TMEM135: variants seen among roughly 807,000 people sequenced by gnomAD.
TMEM135 encodes transmembrane protein 135.
TMEM135 carries 30 observed loss-of-function variants against 60.3 expected under a neutral mutation model. The observed-to-expected ratio is 0.50, with a 90% CI of 0.37 to 0.68. The LOEUF (loss-of-function observed/expected upper bound fraction) is 0.68. TMEM135 is among the 30% of genes least tolerant of loss of function. The pLI is 0.00. For missense variants in TMEM135, 468 were observed against 548.8 expected (o/e 0.85, Z 1.47); for synonymous variants, 190 against 186.7 (o/e 1.02, Z -0.14).
chr11:87,071,320 C>T (rs1279079953), intron 2 of TMEM135, among the ~76,000 whole-genome samples: 1 of 152,092 alleles, frequency 6.6e-6, no homozygotes, highest in East Asian at 1.9e-4. Flanking sequence ...GTTGTTGATG[C>T]TATTAACCTA....
chr11:87,301,521 A>AG (rs1942449145), intron 7 of TMEM135, among the ~76,000 whole-genome samples: 1 of 152,114 alleles, frequency 6.6e-6, no homozygotes, highest in Non-Finnish European at 1.5e-5. Flanking sequence ...CCATAGTGCC[A>AG]GGGTTACAGC....
At chr11:87,269,307 C>CTTT (rs34439506) in intron 6 of TMEM135, among the ~76,000 whole-genome samples, 1 of 121,078 alleles carries the variant, frequency 8.3e-6, no homozygotes, top group Non-Finnish European at 1.7e-5. Flanking sequence ...TATGAGGAAG[C>CTTT]TTTTTTTTTT....
rs1423841767 is a variant in TMEM135, at chr11:87,281,136, TAATG to T, written c.510-14644_510-14641del. ...ATTAAGGATGATCTCTGGGAGTTGT[TAATG>T]AGTATAGAGGTACTTGATGTAAAAT... On this transcript the variant is annotated intron_variant, in intron 6 of 14. Transcript: ENST00000305494. Among the ~76,000 whole-genome samples, 3 of 152,302 alleles carry T rather than the reference TAATG, an allele frequency of 2.0e-5. No individual in the cohort carries two copies. The East Asian group carries it at 5.8e-4, about 29-fold the overall frequency.
chr11:87,241,737 G>T (rs533848021), intron 6 of TMEM135, among the ~76,000 whole-genome samples: 1 of 151,802 alleles, frequency 6.6e-6, no homozygotes, highest in South Asian at 2.1e-4. Context: ...TTAATTTTTA[G>T]CTTTCATAAA....
At chr11:87,119,180 GAC>G (rs1248270309) in intron 4 of TMEM135, among the ~76,000 whole-genome samples, 1 of 152,142 alleles carries the variant, frequency 6.6e-6, no homozygotes, top group Non-Finnish European at 1.5e-5. Flanking sequence ...TAAAGTGAAA[GAC>G]ATACATCTCT....
intron 4 of TMEM135, among the ~76,000 whole-genome samples, chr11:87,107,565 T>A (rs1047741400): frequency 6.6e-6 from 1 of 152,128 alleles, no homozygotes; most frequent in African/African-American, 2.4e-5. Context: ...GTTTCCAGCT[T>A]CATCCATGTC....
Position 87,268,824 on chromosome 11 carries a change from G to A in TMEM135, c.510-26958G>A, listed in dbSNP as rs527459506. ...GAAGTGATTTATTTTGTGTATTTAAGCTGGATTTCAGCTGTTTGAGGTTTT... is the reference window on the plus strand; with the variant it reads ...GAAGTGATTTATTTTGTGTATTTAAACTGGATTTCAGCTGTTTGAGGTTTT... On this transcript the variant is annotated intron_variant, in intron 6 of 14. Coordinates refer to ENST00000305494, the MANE Select transcript of TMEM135 (RefSeq NM_022918.4). 2.5e-4 allele frequency among the ~76,000 whole-genome samples: 38 copies of A among 152,214 alleles called. No individual in the cohort carries two copies. The South Asian group carries it at 4.4e-3, about 17-fold the overall frequency.
At chr11:87,181,508 C>T (rs1939514819) in intron 5 of TMEM135, among the ~76,000 whole-genome samples, 1 of 152,102 alleles carries the variant, frequency 6.6e-6, no homozygotes, top group Admixed American at 6.5e-5. Context: ...TCGTGTGATT[C>T]AGTTTATATG....
At position 87,157,353 on chromosome 11, in the gene TMEM135, C is replaced by A; in HGVS notation, c.409C>A (p.Leu137Ile). The A allele has an allele frequency of 1.9e-6, 3 of 1,611,750 alleles. No individual in the cohort carries two copies. Among genetic ancestry groups the A allele is most frequent in the Non-Finnish European group, 2.5e-6 (3 of 1,178,946 alleles). ...TTTTAATTTACAGGCCACAGAAACA[C>A]TATTCAGAATGGGTGTAGCAAGAGG... Reference protein sequence around the residue: ...IYMANLATETLFRMGVARGTI... With the variant: ...IYMANLATETIFRMGVARGTI... The change falls in exon 5 of 15, where the codon CTA becomes ATA. Residue 137 changes from leucine to isoleucine, a missense_variant. Physicochemically the swap from Leu to Ile is conservative, Grantham distance 5. Transcript: ENST00000305494.
intron 3 of TMEM135, among the ~76,000 whole-genome samples, chr11:87,076,769 G>T (rs1251515422): frequency 6.6e-6 from 1 of 152,158 alleles, no homozygotes; most frequent in Non-Finnish European, 1.5e-5. Context: ...CCAGTACTGG[G>T]TGCTTTCCTT....
In TMEM135 at chr11:87,316,670, T is replaced by C. The variant is rs78286083; in HGVS notation, c.1078-1467T>C. The stretch of plus-strand genomic sequence containing the variant: ...TTGCTAATGGAGAGGAAAAGGGAAC[T>C]GAGAGAAAGAAAATAATCCTTAGGT... On this transcript the variant is annotated intron_variant, in intron 12 of 14. Transcript: ENST00000305494. Among the ~76,000 whole-genome samples the C allele has an allele frequency of 4.0e-3, 608 of 152,034 alleles. 33 individuals are homozygous for C. In the East Asian group the frequency reaches 0.095, roughly 24 times the overall value.
At chr11:87,100,817 G>T (rs528447988) in intron 4 of TMEM135, among the ~76,000 whole-genome samples, 1 of 152,052 alleles carries the variant, frequency 6.6e-6, no homozygotes, top group South Asian at 2.1e-4. Flanking sequence ...AGCCAAGATT[G>T]CGTCAGTGCA....
chr11:87,207,493 A>T (rs1405816703), intron 5 of TMEM135, among the ~76,000 whole-genome samples: 1 of 152,166 alleles, frequency 6.6e-6, no homozygotes, highest in Non-Finnish European at 1.5e-5. Flanking sequence ...GTCATTAAGC[A>T]ACATTGTTTA....
intron 12 of TMEM135, 146 bp downstream of exon 12, chr11:87,314,693 T>C (rs1942696895): frequency 1.5e-6 from 1 of 679,570 alleles, no homozygotes; most frequent in Non-Finnish European, 2.6e-6. Flanking sequence ...CCTGTGTTTT[T>C]CTTTGTGTGT....
At chr11:87,072,454 C>T (rs1199188101) in intron 3 of TMEM135, among the ~76,000 whole-genome samples, 4 of 152,090 alleles carry the variant, frequency 2.6e-5, no homozygotes, top group African/African-American at 9.7e-5. Context: ...GACCTCGACC[C>T]ACTGCAACCT....
intron 5 of TMEM135, among the ~76,000 whole-genome samples, chr11:87,188,253 T>G (rs1409055291): frequency 6.6e-6 from 1 of 152,190 alleles, no homozygotes; most frequent in Non-Finnish European, 1.5e-5. Flanking sequence ...GATGAAGTCT[T>G]GGAGTTTCTC....
chr11:87,043,179 T>G (rs1157403615), intron 1 of TMEM135, among the ~76,000 whole-genome samples: 2 of 151,852 alleles, frequency 1.3e-5, no homozygotes, highest in Admixed American at 1.3e-4. Flanking sequence ...GGTTTGGAAC[T>G]CCTGACCTCA....
At chr11:87,189,169 C>G (rs1471752661) in intron 5 of TMEM135, among the ~76,000 whole-genome samples, 2 of 144,996 alleles carry the variant, frequency 1.4e-5, no homozygotes, top group African/African-American at 5.1e-5. Context: ...TTTCCCTTTC[C>G]TTTCTTTGCT....
chr11:87,276,244 TTC>T (rs1313799855), intron 6 of TMEM135, among the ~76,000 whole-genome samples: 2 of 152,194 alleles, frequency 1.3e-5, no homozygotes, highest in African/African-American at 4.8e-5. Context: ...CTTGATCATT[TTC>T]TCTGTTTCAG....
Sources: gnomAD v4.1 joint callset for allele counts (sites outside exome capture counted in the v4.1 genomes callset) on GRCh38, gnomAD v4.1.1 for gene constraint, MANE v1.5 for transcripts, NCBI Gene and HGNC (gene_info 2026-07-23, HGNC 2026-07-21) for gene names.